TRDN: variants seen among roughly 807,000 people sequenced by gnomAD.
The protein encoded by TRDN is triadin, also known as triadin in skeletal muscle.
TRDN carries 161 observed loss-of-function variants against 149.7 expected under a neutral mutation model. That is an observed-to-expected ratio of 1.08 (90% CI 0.95 to 1.23). TRDN has a LOEUF of 1.23. TRDN is among the 50% of genes most tolerant of loss of function. The pLI, the probability that TRDN is intolerant of heterozygous loss-of-function variation, is 0.00. For synonymous variants in TRDN, 294 were observed against 250.5 expected (o/e 1.17, Z -1.64); for missense variants, 896 against 823.5 (o/e 1.09, Z -1.08).
chr6:123,279,067 G>A lies in TRDN; in HGVS notation c.1526C>T (p.Pro509Leu). ...KMSKAGKEVK[P>L]KPPQLQGKKE... ...TGCATATAACATACGTGGAGGTTTA[G>A]GCTTGACTTCTTTGCCTAGAAAAAA... Residue 509 changes from proline (P) to leucine (L), a missense_variant, in exon 25 of 41, where the codon CCT (proline) becomes CTT (leucine). Pro to Leu is a moderately conservative substitution (Grantham distance 98). Transcript: ENST00000334268. 1 of 1,608,136 alleles carries A rather than the reference G, an allele frequency of 6.2e-7. No homozygotes were observed. Among genetic ancestry groups the A allele is most frequent in the Non-Finnish European group, 8.5e-7 (1 of 1,177,384 alleles).
chr6:123,575,681 C>T (rs1208029352), intron 1 of TRDN, among the ~76,000 whole-genome samples: 3 of 151,930 alleles, frequency 2.0e-5, no homozygotes, highest in African/African-American at 7.2e-5. Context: ...CACTTAATGG[C>T]CATGCGACTC....
intron 21 of TRDN, chr6:123,350,188 CGT>C (rs1208279307): frequency 1.0e-6 from 1 of 969,116 alleles, no homozygotes; most frequent in African/African-American, 1.8e-5. Context: ...ATATTTTTGT[CGT>C]GTTTCTTCTT....
At chr6:123,538,957 T>C (rs1424815498) in intron 4 of TRDN, among the ~76,000 whole-genome samples, 2 of 152,116 alleles carry the variant, frequency 1.3e-5, no homozygotes, top group African/African-American at 4.8e-5. Flanking sequence ...AGATTATCAA[T>C]GGTGAAGTTT....
At position 123,366,158 on chromosome 6, in the gene TRDN, A is replaced by C; in HGVS notation, c.1298T>G (p.Ile433Ser). 6.2e-7 allele frequency: 1 copy of C among 1,612,944 alleles called. No homozygotes were observed. The highest frequency in any genetic ancestry group is 8.5e-7 in the Non-Finnish European group (1 of 1,179,242). The stretch of plus-strand genomic sequence containing the variant: ...ACCTTTTTTAATTGAAACCGCACCA[A>C]TCTCCTCTTTGGCTCGTTCAGTTTC... Reference protein sequence around the residue: ...KAKTERAKEEIGAVSIKKAVP... With the variant: ...KAKTERAKEESGAVSIKKAVP... The change falls in exon 20 of 41, where the codon ATT becomes AGT. Residue 433 changes from isoleucine (I) to serine (S), a missense_variant. Physicochemically the swap from Ile to Ser is moderately radical, Grantham distance 142. Transcript: ENST00000334268.
intron 7 of TRDN, among the ~76,000 whole-genome samples, chr6:123,505,454 T>C (rs1778881760): frequency 6.6e-6 from 1 of 151,962 alleles, no homozygotes. Flanking sequence ...CGCCAGCACT[T>C]CCCAAAACAC....
intron 40 of TRDN, among the ~76,000 whole-genome samples, chr6:123,220,581 T>C (rs1254319049): frequency 6.6e-6 from 1 of 151,800 alleles, no homozygotes; most frequent in Non-Finnish European, 1.5e-5. Flanking sequence ...ATAATAAGTG[T>C]CTTATCTACT....
chr6:123,596,762 C>G (rs12203101), intron 1 of TRDN, among the ~76,000 whole-genome samples: 147 of 152,164 alleles, frequency 9.7e-4, no homozygotes, highest in African/African-American at 3.3e-3. Flanking sequence ...ATGACAAATC[C>G]TGCATGACAG....
chr6:123,435,695 T>G (rs566785068), intron 12 of TRDN, among the ~76,000 whole-genome samples: 1 of 152,118 alleles, frequency 6.6e-6, no homozygotes, highest in African/African-American at 2.4e-5. Context: ...ATGACAAGCA[T>G]ACAAACAGAA....
chr6:123,360,473 T>C (rs753225450), intron 20 of TRDN, among the ~76,000 whole-genome samples: 8 of 151,958 alleles, frequency 5.3e-5, no homozygotes, highest in Non-Finnish European at 1.2e-4. Flanking sequence ...AACAGAGAAG[T>C]TTGGAGAAGA....
chr6:123,446,237 G>A (rs1165607976), intron 10 of TRDN, among the ~76,000 whole-genome samples: 52 of 151,262 alleles, frequency 3.4e-4, no homozygotes, highest in African/African-American at 1.2e-3. Flanking sequence ...GGACTGTTGT[G>A]GGGTGGGGGG....
chr6:123,249,614 A>G (rs1390741886), intron 38 of TRDN, among the ~76,000 whole-genome samples: 1 of 152,154 alleles, frequency 6.6e-6, no homozygotes, highest in Non-Finnish European at 1.5e-5. Flanking sequence ...AAACAGTAAA[A>G]TCATGTATTT....
chr6:123,233,337 G>T (rs1775677487), intron 38 of TRDN, among the ~76,000 whole-genome samples: 1 of 152,030 alleles, frequency 6.6e-6, no homozygotes, highest in South Asian at 2.1e-4. Flanking sequence ...GCTACACTGA[G>T]AACTCACTGA....
intron 40 of TRDN, among the ~76,000 whole-genome samples, chr6:123,220,398 C>T (rs1775104100): frequency 6.6e-6 from 1 of 151,706 alleles, no homozygotes. Flanking sequence ...TGTGACATAG[C>T]CACAAATTAT....
chr6:123,582,913 T>C (rs1331771388), intron 1 of TRDN, among the ~76,000 whole-genome samples: 1 of 151,846 alleles, frequency 6.6e-6, no homozygotes, highest in Non-Finnish European at 1.5e-5. Context: ...AAGGAAGATT[T>C]TGTGGTAAGG....
At chr6:123,302,041 T>G (rs1234287005) in intron 24 of TRDN, among the ~76,000 whole-genome samples, 1 of 150,496 alleles carries the variant, frequency 6.6e-6, no homozygotes, top group Non-Finnish European at 1.5e-5. Flanking sequence ...AAAATTCAAT[T>G]TTACATATAA....
In TRDN at chr6:123,570,442, T is replaced by A. The variant is rs1782509390; in HGVS notation, c.232+481A>T. 2.6e-5 allele frequency among the ~76,000 whole-genome samples: 4 copies of A among 152,212 alleles called. No homozygotes were observed. The South Asian group carries it at 8.3e-4, about 32-fold the overall frequency. On this transcript the variant is annotated intron_variant, in intron 2 of 40. Transcript: ENST00000334268. The stretch of plus-strand genomic sequence containing the variant: ...CAGGAACTCAAAATAGGATGGCCGG[T>A]GGCAGAAGCAAAGAGTTTGTCTGGC...
At chr6:123,483,597 C>A (rs181698417) in intron 9 of TRDN, among the ~76,000 whole-genome samples, 186 of 152,264 alleles carry the variant, frequency 1.2e-3, no homozygotes, top group African/African-American at 4.3e-3. Flanking sequence ...CACTGTGGCC[C>A]TCTCTCTGGA....
At chr6:123,529,455 T>A in intron 5 of TRDN, 2 of 1,090,160 alleles carry the variant, frequency 1.8e-6, no homozygotes, top group Non-Finnish European at 2.7e-6. Flanking sequence ...ACATTAGGAT[T>A]AAAGACATAA....
intron 38 of TRDN, among the ~76,000 whole-genome samples, chr6:123,238,864 C>T (rs939877263): frequency 7.2e-5 from 11 of 152,186 alleles, no homozygotes; most frequent in Admixed American, 3.3e-4. Flanking sequence ...GTTTTTGACA[C>T]GGAGTCTCAC....
Sources: allele counts gnomAD v4.1 joint callset (sites outside exome capture counted in the v4.1 genomes callset), GRCh38; gene constraint gnomAD v4.1.1; transcripts MANE v1.5; gene names NCBI Gene and HGNC (gene_info 2026-07-23, HGNC 2026-07-21).